Variants in TLK1 observed in about 807,000 individuals in gnomAD.
The protein encoded by TLK1 is serine/threonine-protein kinase tousled-like 1.
TLK1 carries 24 observed loss-of-function variants against 105.3 expected under a neutral mutation model. That is an observed-to-expected ratio of 0.23 (90% CI 0.17 to 0.32). The LOEUF (loss-of-function observed/expected upper bound fraction) is 0.32. Ranked by LOEUF, TLK1 falls within the 10% of genes least tolerant of loss-of-function variation. The pLI is 1.00. For synonymous variants in TLK1, 321 were observed against 310.4 expected, an observed-to-expected ratio of 1.03 and a Z score of -0.36; for missense variants, 558 against 910.5, an observed-to-expected ratio of 0.61 and a Z score of 4.98.
intron 12 of TLK1, chr2:171,023,183 A>C (rs1474378598): frequency 2.1e-6 from 1 of 469,658 alleles, no homozygotes; most frequent in East Asian, 7.0e-5. Context: ...GGAGCAAAGG[A>C]GAGAGAGAGA....
intron 20 of TLK1, among the ~76,000 whole-genome samples, chr2:170,996,267 G>A (rs1392102022): frequency 1.3e-5 from 2 of 150,126 alleles, no homozygotes; most frequent in Non-Finnish European, 3.0e-5. Flanking sequence ...CCAAAGTGCT[G>A]GGATTACAGG....
intron 3 of TLK1, among the ~76,000 whole-genome samples, chr2:171,062,810 A>C (rs1384177736): frequency 6.6e-6 from 1 of 152,220 alleles, no homozygotes; most frequent in Non-Finnish European, 1.5e-5. Flanking sequence ...GTTTATGAAT[A>C]AAACTCAATA....
Position 171,040,103 on chromosome 2 carries a change from CA to C in TLK1, c.1169+6070del, listed in dbSNP as rs545770635. On this transcript the variant is annotated intron_variant, in intron 11 of 20. Transcript: ENST00000431350. ...TAATAGAGAAAAAGAATAAAATAAA[CA>C]AAAACTGGTCAATGCAATAAAAGGT... Among the ~76,000 whole-genome samples the C allele has an allele frequency of 9.4e-3, 1,417 of 151,474 alleles. 12 individuals are homozygous for C. The highest frequency in any genetic ancestry group is 0.016 in the Non-Finnish European group (1,082 of 67,806).
chr2:171,007,872 A>C (rs1684719551), intron 14 of TLK1, among the ~76,000 whole-genome samples: 1 of 152,162 alleles, frequency 6.6e-6, no homozygotes, highest in East Asian at 1.9e-4. Flanking sequence ...TGATTTGTTC[A>C]AATCACCAGC....
intron 2 of TLK1, among the ~76,000 whole-genome samples, chr2:171,110,882 A>G (rs1690130639): frequency 6.6e-6 from 1 of 152,246 alleles, no homozygotes; most frequent in Non-Finnish European, 1.5e-5. Flanking sequence ...ACCTTAATAA[A>G]AACCATGGGG....
intron 1 of TLK1, among the ~76,000 whole-genome samples, chr2:171,195,230 G>A (rs966235851): frequency 3.3e-5 from 5 of 152,062 alleles, no homozygotes; most frequent in Non-Finnish European, 7.4e-5. Flanking sequence ...CCGGCCGGGC[G>A]CGGTGGCTCA....
intron 2 of TLK1, among the ~76,000 whole-genome samples, chr2:171,110,992 G>C (rs1479003551): frequency 6.6e-6 from 1 of 151,904 alleles, no homozygotes; most frequent in African/African-American, 2.4e-5. Flanking sequence ...TCAATAGCTG[G>C]AAGAAGAGCC....
chr2:171,112,179 T>C (rs982680892), intron 2 of TLK1, among the ~76,000 whole-genome samples: 2 of 152,192 alleles, frequency 1.3e-5, no homozygotes, highest in Non-Finnish European at 1.5e-5. Context: ...CTCAAACTCC[T>C]TACCTCGTGA....
At chr2:171,027,225 C>T (rs1685815369) in intron 12 of TLK1, among the ~76,000 whole-genome samples, 1 of 152,090 alleles carries the variant, frequency 6.6e-6, no homozygotes, top group Non-Finnish European at 1.5e-5. Context: ...ATACTATCTC[C>T]AATTAGTTCA....
At chr2:171,077,209 T>C (rs1420117570) in intron 3 of TLK1, among the ~76,000 whole-genome samples, 1 of 152,232 alleles carries the variant, frequency 6.6e-6, no homozygotes, top group African/African-American at 2.4e-5. Context: ...AGTTATCAGA[T>C]ATGCAAGTTC....
At chr2:171,078,287 C>T (rs1452815238) in intron 3 of TLK1, among the ~76,000 whole-genome samples, 1 of 152,160 alleles carries the variant, frequency 6.6e-6, no homozygotes, top group Non-Finnish European at 1.5e-5. Context: ...CACCTGTAAT[C>T]CCAGCACTTT....
chr2:171,121,816 A>G (rs1181514707), intron 1 of TLK1, among the ~76,000 whole-genome samples: 1 of 152,236 alleles, frequency 6.6e-6, no homozygotes, highest in African/African-American at 2.4e-5. Context: ...CCAGATATAT[A>G]GCTTCCTCTA....
chr2:171,026,808 T>C (rs1318989485), intron 12 of TLK1, among the ~76,000 whole-genome samples: 1 of 152,152 alleles, frequency 6.6e-6, no homozygotes, highest in Non-Finnish European at 1.5e-5. Flanking sequence ...TATATGGTTC[T>C]ATCACTATTA....
intron 1 of TLK1, among the ~76,000 whole-genome samples, chr2:171,135,732 G>A (rs890514547): frequency 1.3e-5 from 2 of 152,002 alleles, no homozygotes; most frequent in East Asian, 3.9e-4. Context: ...AACCCGGGAG[G>A]CAGAGGCTGC....
rs1692448459 is a variant in TLK1 at position 171,160,599 on chromosome 2, G to A, written c.-171C>T. ...GGAAACCGAGAAGAGGGGAGGTGGG[G>A]AGGAAAGAGGTGAGGGAAGGAGAGG... On this transcript the variant is annotated 5_prime_UTR_variant, in exon 1 of 21. Transcript: ENST00000431350. The surrounding 1 kb of genome is among the most constrained non-coding windows in gnomAD (Gnocchi z 4.4). 9.8e-7 allele frequency: 1 copy of A among 1,019,090 alleles called. No homozygotes were observed. Among genetic ancestry groups the A allele is most frequent in the Admixed American group, 3.4e-5 (1 of 29,520 alleles). The allele number at this position is 1,019,090 out of a possible 1,614,324, so 63.1% of individuals were successfully genotyped here.
intron 11 of TLK1, among the ~76,000 whole-genome samples, chr2:171,038,775 T>C (rs180762941): frequency 1.9e-4 from 29 of 152,316 alleles, no homozygotes; most frequent in Non-Finnish European, 3.5e-4. Flanking sequence ...ATAGTCAATA[T>C]TTTTAAAAGA....
intron 1 of TLK1, among the ~76,000 whole-genome samples, chr2:171,144,653 G>A (rs112767281): frequency 6.6e-6 from 1 of 152,040 alleles, no homozygotes; most frequent in Admixed American, 6.6e-5. Flanking sequence ...AAAACTTATG[G>A]AATGAACTAA....
chr2:171,069,991 T>C (rs1214162214), intron 3 of TLK1, among the ~76,000 whole-genome samples: 2 of 152,176 alleles, frequency 1.3e-5, no homozygotes, highest in African/African-American at 2.4e-5. Flanking sequence ...GCAAGTGAGA[T>C]GAGTATGCTA....
rs1406251021 is a variant in TLK1, at chr2:171,180,888, GAAGT to G, written c.-6+50253_-6+50256del. Among the ~76,000 whole-genome samples, 5 of 147,562 alleles carry G rather than the reference GAAGT, an allele frequency of 3.4e-5. No individual in the cohort carries two copies. The East Asian group carries it at 1.0e-3, about 29-fold the overall frequency. The stretch of plus-strand genomic sequence containing the variant: ...AGCTGGAGAAGATGACTTTTCATGA[GAAGT>G]AAAACTATAGGTCTAATGCAAATGT... On this transcript the variant is annotated intron_variant, in intron 1 of 20. Coordinates refer to the TLK1 transcript ENST00000521943.
Sources: gnomAD v4.1 joint callset for allele counts (sites outside exome capture counted in the v4.1 genomes callset) on GRCh38, gnomAD v4.1.1 for gene constraint, Gnocchi (gnomAD v3.1) non-coding constraint, MANE v1.5 for transcripts, NCBI Gene and HGNC (gene_info 2026-07-23, HGNC 2026-07-21) for gene names.